The following TAFA1 variants were observed in gnomAD, a reference collection of about 807,000 sequenced individuals.
TAFA1 encodes the protein chemokine-like protein TAFA-1.
TAFA1 carries 4 observed loss-of-function variants against 18.5 expected under a neutral mutation model. That is an observed-to-expected ratio of 0.22 (90% confidence interval 0.11 to 0.49). The LOEUF (loss-of-function observed/expected upper bound fraction) is 0.49, where lower values mean the gene tolerates loss of function less well. Among genes scored for constraint, TAFA1 ranks in the 20% least tolerant of loss-of-function variants. The pLI is 0.98. For missense variants in TAFA1, 147 were observed against 169.0 expected, an observed-to-expected ratio of 0.87 and a Z score of 0.72; for synonymous variants, 56 against 55.2, an observed-to-expected ratio of 1.01 and a Z score of -0.06.
intron 3 of TAFA1, among the ~76,000 whole-genome samples, chr3:68,470,498 T>G (rs1228122824): frequency 6.6e-6 from 1 of 152,194 alleles, no homozygotes; most frequent in East Asian, 1.9e-4. Context: ...TGAATGTCTT[T>G]GCATAAAATG....
At chr3:68,234,759 C>T (rs960502308) in intron 2 of TAFA1, among the ~76,000 whole-genome samples, 1 of 152,128 alleles carries the variant, frequency 6.6e-6, no homozygotes, top group Non-Finnish European at 1.5e-5. Flanking sequence ...ACAAAAAAAC[C>T]AATGTCATTG....
intron 2 of TAFA1, among the ~76,000 whole-genome samples, chr3:68,174,391 A>G (rs2106966833): frequency 6.6e-6 from 1 of 152,256 alleles, no homozygotes; most frequent in African/African-American, 2.4e-5. Flanking sequence ...AAAATGTGGG[A>G]AAGTTTGGAA....
intron 2 of TAFA1, among the ~76,000 whole-genome samples, chr3:68,365,153 G>A (rs1490430564): frequency 1.3e-5 from 2 of 152,144 alleles, no homozygotes; most frequent in Non-Finnish European, 2.9e-5. Context: ...CGTATACATT[G>A]TATAATGAAT....
intron 3 of TAFA1, among the ~76,000 whole-genome samples, chr3:68,501,124 C>T (rs750626211): frequency 6.9e-6 from 1 of 145,566 alleles, no homozygotes; most frequent in Non-Finnish European, 1.5e-5. Context: ...CACTGCACCC[C>T]AGCCTGTGTA....
chr3:68,285,040 A>G (rs746082981), intron 2 of TAFA1, among the ~76,000 whole-genome samples: 2 of 152,176 alleles, frequency 1.3e-5, no homozygotes, highest in African/African-American at 4.8e-5. Flanking sequence ...GTAAGCTATG[A>G]TTGTGCCGCT....
At chr3:68,440,209 C>T (rs1222941352) in intron 3 of TAFA1, among the ~76,000 whole-genome samples, 1 of 152,146 alleles carries the variant, frequency 6.6e-6, no homozygotes, top group Non-Finnish European at 1.5e-5. Flanking sequence ...AGAAGTTTCC[C>T]TGCACGAACT....
At chr3:68,429,676 G>A (rs536874806) in intron 3 of TAFA1, among the ~76,000 whole-genome samples, 13 of 151,852 alleles carry the variant, frequency 8.6e-5, no homozygotes, top group South Asian at 6.2e-4. Flanking sequence ...CCTCATTCCC[G>A]AATTTCAAGA....
chr3:68,535,833 A>G (rs909829787), intron 3 of TAFA1, among the ~76,000 whole-genome samples: 2 of 151,978 alleles, frequency 1.3e-5, no homozygotes, highest in Non-Finnish European at 2.9e-5. Flanking sequence ...AGGGGGAAAA[A>G]TGGGGATGGG....
chr3:68,111,863 T>C (rs1232817376), intron 2 of TAFA1, among the ~76,000 whole-genome samples: 7 of 152,050 alleles, frequency 4.6e-5, no homozygotes, highest in African/African-American at 1.7e-4. Context: ...GTATTCTTAG[T>C]AGATTGTTTA....
intron 3 of TAFA1, among the ~76,000 whole-genome samples, chr3:68,523,481 T>C (rs1164041741): frequency 6.6e-6 from 1 of 152,206 alleles, no homozygotes; most frequent in Non-Finnish European, 1.5e-5. Context: ...GGACATCTCC[T>C]TTAATCAGGA....
At chr3:68,248,620 A>T (rs2067130317) in intron 2 of TAFA1, among the ~76,000 whole-genome samples, 1 of 151,624 alleles carries the variant, frequency 6.6e-6, no homozygotes, top group South Asian at 2.1e-4. Flanking sequence ...TGGCAGATGC[A>T]CCTGAATGTG....
intron 2 of TAFA1, among the ~76,000 whole-genome samples, chr3:68,196,731 C>T (rs2066415164): frequency 6.6e-6 from 1 of 151,734 alleles, no homozygotes; most frequent in South Asian, 2.1e-4. Context: ...GGCTCTTTCA[C>T]TATGCAGAAA....
chr3:68,327,000 C>T (rs2068786091), intron 2 of TAFA1, among the ~76,000 whole-genome samples: 1 of 152,012 alleles, frequency 6.6e-6, no homozygotes, highest in Non-Finnish European at 1.5e-5. Context: ...TGGGAGGGAC[C>T]CAGTGGGAAG....
chr3:68,392,866 G>T (rs997986964), intron 2 of TAFA1, among the ~76,000 whole-genome samples: 1 of 152,088 alleles, frequency 6.6e-6, no homozygotes. Flanking sequence ...AGTGTTTAGA[G>T]GGAAATTTAT....
At chr3:68,283,475 A>T (rs919614920) in intron 2 of TAFA1, among the ~76,000 whole-genome samples, 1 of 152,216 alleles carries the variant, frequency 6.6e-6, no homozygotes, top group Non-Finnish European at 1.5e-5. Flanking sequence ...TACATTCCTC[A>T]TCATTCTTGT....
intron 2 of TAFA1, among the ~76,000 whole-genome samples, chr3:68,065,206 T>C (rs752994602): frequency 3.3e-5 from 5 of 152,334 alleles, no homozygotes; most frequent in Middle Eastern, 3.4e-3. Flanking sequence ...TTAATTTTTA[T>C]TGGGGCACAG....
chr3:68,392,800 G>T (rs943607043), intron 2 of TAFA1, among the ~76,000 whole-genome samples: 3 of 152,116 alleles, frequency 2.0e-5, no homozygotes, highest in African/African-American at 7.2e-5. Flanking sequence ...TAAGTTCTTT[G>T]AAACCAGTGA....
At chr3:68,539,725 G>T (rs1462601689) in intron 4 of TAFA1, among the ~76,000 whole-genome samples, 1 of 133,982 alleles carries the variant, frequency 7.5e-6, no homozygotes, top group East Asian at 2.4e-4. Context: ...TGTGTGGTGG[G>T]GGGAGGGGGT....
chr3:68,260,564 A>G (rs1676521702), intron 2 of TAFA1, among the ~76,000 whole-genome samples: 1 of 152,116 alleles, frequency 6.6e-6, no homozygotes, highest in African/African-American at 2.4e-5. Flanking sequence ...ACTGGTACCA[A>G]AACAGAGATA....
Sources: gnomAD v4.1 joint callset for allele counts (sites outside exome capture counted in the v4.1 genomes callset) on GRCh38, gnomAD v4.1.1 for gene constraint, MANE v1.5 for transcripts, NCBI Gene and HGNC (gene_info 2026-07-23, HGNC 2026-07-21) for gene names.